The following GPM6A variants were observed in gnomAD, a reference collection of about 807,000 sequenced individuals.
GPM6A encodes the protein neuronal membrane glycoprotein M6-a.
A neutral mutation model predicts 32.1 loss-of-function variants in GPM6A; 7 were observed. The observed-to-expected ratio is 0.22, with a 90% confidence interval of 0.12 to 0.41. GPM6A has a LOEUF of 0.41. Ranked by LOEUF, GPM6A falls within the 10% of genes least tolerant of loss-of-function variation. The probability of loss-of-function intolerance (pLI) is 1.00; values close to 1 mark genes in which losing one functional copy is unlikely to be tolerated. For missense variants in GPM6A, 235 were observed against 347.2 expected, an observed-to-expected ratio of 0.68 and a Z score of 2.57; for synonymous variants, 130 against 123.4, an observed-to-expected ratio of 1.05 and a Z score of -0.35.
At chr4:175,934,924 T>G (rs887139144) in intron 1 of GPM6A, among the ~76,000 whole-genome samples, 2 of 152,160 alleles carry the variant, frequency 1.3e-5, no homozygotes, top group African/African-American at 4.8e-5. Context: ...ACAATAATGA[T>G]AAAATTAAAT....
chr4:175,638,476 C>T (rs542216417), intron 6 of GPM6A, among the ~76,000 whole-genome samples: 12 of 151,998 alleles, frequency 7.9e-5, no homozygotes, highest in African/African-American at 1.9e-4. Context: ...ATAAAATGTA[C>T]GTATAGCTTT....
At chr4:175,983,138 A>C (rs2126445617) in intron 1 of GPM6A, among the ~76,000 whole-genome samples, 1 of 152,228 alleles carries the variant, frequency 6.6e-6, no homozygotes, top group South Asian at 2.1e-4. Flanking sequence ...GGAGAATTTA[A>C]AGGACCAAAA....
At chr4:175,887,655 G>A (rs764575212) in intron 1 of GPM6A, among the ~76,000 whole-genome samples, 1 of 151,256 alleles carries the variant, frequency 6.6e-6, no homozygotes, top group Non-Finnish European at 1.5e-5. Flanking sequence ...GTGTTATCAA[G>A]AACAAAGGAG....
At chr4:175,794,661 A>G (rs923677961) in intron 1 of GPM6A, among the ~76,000 whole-genome samples, 8 of 152,248 alleles carry the variant, frequency 5.3e-5, no homozygotes, top group Non-Finnish European at 7.3e-5. Context: ...CTTATGATGA[A>G]TATGGAAGCC....
At chr4:175,864,557 T>C (rs140747528) in intron 1 of GPM6A, among the ~76,000 whole-genome samples, 4 of 152,196 alleles carry the variant, frequency 2.6e-5, no homozygotes, top group Non-Finnish European at 4.4e-5. Flanking sequence ...ACAACTTTTT[T>C]AATAAAAATT....
chr4:175,998,827 C>T (rs1260166163), intron 1 of GPM6A, among the ~76,000 whole-genome samples: 1 of 152,106 alleles, frequency 6.6e-6, no homozygotes, highest in African/African-American at 2.4e-5. Context: ...TCTTCTCCAA[C>T]TAATTCTGTT....
intron 1 of GPM6A, among the ~76,000 whole-genome samples, chr4:175,771,129 C>T (rs1036730686): frequency 6.7e-6 from 1 of 150,308 alleles, no homozygotes; most frequent in African/African-American, 2.5e-5. Flanking sequence ...TTCATTATGG[C>T]CACAGTGTCC....
intron 3 of GPM6A, among the ~76,000 whole-genome samples, chr4:175,658,416 G>C (rs189525366): frequency 4.0e-5 from 6 of 148,350 alleles, no homozygotes; most frequent in East Asian, 1.9e-4. Context: ...GCCAAGTGTA[G>C]GGGGGGTGAG....
chr4:175,635,172 A>T, intron 6 of GPM6A, 115 bp from the exon 7 acceptor site: 1 of 744,476 alleles, frequency 1.3e-6, no homozygotes, highest in Non-Finnish European at 2.2e-6. Context: ...GTTCACATAT[A>T]AAATGGAAAC....
intron 1 of GPM6A, among the ~76,000 whole-genome samples, chr4:175,770,800 C>T (rs913793035): frequency 6.6e-6 from 1 of 152,046 alleles, no homozygotes; most frequent in Non-Finnish European, 1.5e-5. Context: ...AGATATACTT[C>T]GATGGTACCT....
intron 1 of GPM6A, among the ~76,000 whole-genome samples, chr4:175,824,756 T>G (rs1437353310): frequency 6.6e-6 from 1 of 152,198 alleles, no homozygotes; most frequent in Non-Finnish European, 1.5e-5. Flanking sequence ...GCTAGGCACA[T>G]ATTTTTTTCT....
intron 1 of GPM6A, among the ~76,000 whole-genome samples, chr4:175,963,095 G>A (rs908965441): frequency 5.9e-5 from 9 of 151,522 alleles, no homozygotes; most frequent in African/African-American, 2.2e-4. Flanking sequence ...TGAAAAAAAA[G>A]TCAATGGAAA....
intron 1 of GPM6A, among the ~76,000 whole-genome samples, chr4:175,915,452 A>G (rs897206479): frequency 6.6e-6 from 1 of 152,020 alleles, no homozygotes; most frequent in African/African-American, 2.4e-5. Context: ...ACATGCGGCT[A>G]ATTTTTGTAT....
chr4:175,636,285 T>TATATATATATATATATATATATAC (rs1560840528), intron 6 of GPM6A, among the ~76,000 whole-genome samples: 2 of 138,416 alleles, frequency 1.4e-5, no homozygotes, highest in African/African-American at 5.3e-5. Flanking sequence ...TATATATATA[T>TATATATATATATATATATATATAC]ATATATATAT....
chr4:175,958,567 TC>T (rs1740063847), intron 1 of GPM6A, among the ~76,000 whole-genome samples: 1 of 152,164 alleles, frequency 6.6e-6, no homozygotes, highest in African/African-American at 2.4e-5. Flanking sequence ...GTATTGGTCT[TC>T]CCCCCATTCA....
intron 1 of GPM6A, among the ~76,000 whole-genome samples, chr4:175,999,187 G>A (rs556988189): frequency 1.3e-5 from 2 of 152,312 alleles, no homozygotes; most frequent in East Asian, 3.9e-4. Context: ...TAGTCTCATA[G>A]TGATATACAT....
chr4:175,901,379 C>G (rs971320222), intron 1 of GPM6A, among the ~76,000 whole-genome samples: 4 of 151,904 alleles, frequency 2.6e-5, no homozygotes, highest in African/African-American at 9.7e-5. Context: ...ATATTGCATG[C>G]CTGTATCAAA....
chr4:175,671,284 G>T (rs1472516230), intron 3 of GPM6A, among the ~76,000 whole-genome samples: 2 of 150,568 alleles, frequency 1.3e-5, no homozygotes, highest in African/African-American at 2.4e-5. Flanking sequence ...AACTAAGGAA[G>T]ATTTTTATAT....
chr4:175,845,823 A>G (rs894902899), intron 1 of GPM6A, among the ~76,000 whole-genome samples: 3 of 152,042 alleles, frequency 2.0e-5, no homozygotes, highest in African/African-American at 4.8e-5. Context: ...GTATTTTTCA[A>G]TCACATTATT....
Sources: allele counts gnomAD v4.1 joint callset (sites outside exome capture counted in the v4.1 genomes callset), GRCh38; gene constraint gnomAD v4.1.1; transcripts MANE v1.5; gene names NCBI Gene and HGNC (gene_info 2026-07-23, HGNC 2026-07-21).